Variants in DLGAP2 observed in about 807,000 individuals in gnomAD.
DLGAP2 encodes disks large-associated protein 2.
In DLGAP2, 26 loss-of-function variants were observed where a neutral mutation model predicts 100.3. That is an observed-to-expected ratio of 0.26 (90% CI 0.19 to 0.36). DLGAP2 has a LOEUF of 0.36. Among genes scored for constraint, DLGAP2 ranks in the 10% least tolerant of loss-of-function variants. DLGAP2 has a pLI of 1.00. For missense variants in DLGAP2, 1,858 were observed against 1,453.2 expected (o/e 1.28, Z -4.53); for synonymous variants, 886 against 630.1 (o/e 1.41, Z -6.08).
chr8:1,373,386 G>A (rs1286770785), intron 3 of DLGAP2, among the ~76,000 whole-genome samples: 1 of 152,078 alleles, frequency 6.6e-6, no homozygotes, highest in Admixed American at 6.5e-5. Flanking sequence ...CAGACGCAGA[G>A]CCCTGTGCCG....
At chr8:1,292,500 C>A (rs1330046526) in intron 3 of DLGAP2, among the ~76,000 whole-genome samples, 1 of 152,132 alleles carries the variant, frequency 6.6e-6, no homozygotes, top group Non-Finnish European at 1.5e-5. Flanking sequence ...TCATCTCTTT[C>A]CTTTCTCTAA....
intron 3 of DLGAP2, among the ~76,000 whole-genome samples, chr8:1,376,264 G>T (rs901457755): frequency 1.3e-5 from 2 of 152,252 alleles, no homozygotes; most frequent in Non-Finnish European, 1.5e-5. Flanking sequence ...CTGTCTCATA[G>T]CTGTGAGCCA....
At chr8:1,140,484 C>T (rs1265172699) in intron 2 of DLGAP2, among the ~76,000 whole-genome samples, 1 of 152,154 alleles carries the variant, frequency 6.6e-6, no homozygotes, top group Non-Finnish European at 1.5e-5. Context: ...GCCCCTGGGT[C>T]CCATGCACCT....
chr8:1,109,138 G>A (rs1804874802), intron 2 of DLGAP2, among the ~76,000 whole-genome samples: 1 of 114,972 alleles, frequency 8.7e-6, no homozygotes, highest in African/African-American at 3.3e-5. Flanking sequence ...TATGAGGTGT[G>A]CTGGATCTGT....
intron 2 of DLGAP2, among the ~76,000 whole-genome samples, chr8:1,093,165 C>A (rs1019892927): frequency 1.3e-5 from 2 of 152,186 alleles, no homozygotes; most frequent in African/African-American, 4.8e-5. Context: ...AGGGCCATCT[C>A]CTTCACCCAC....
intron 2 of DLGAP2, among the ~76,000 whole-genome samples, chr8:975,431 A>G (rs1800137659): frequency 6.6e-6 from 1 of 152,188 alleles, no homozygotes; most frequent in Admixed American, 6.5e-5. Flanking sequence ...AAAACCAGAA[A>G]AAGACATTTA....
chr8:738,089 G>C (rs1296143341), intron 1 of DLGAP2: 1 of 262,968 alleles, frequency 3.8e-6, no homozygotes, highest in African/African-American at 2.3e-5. Flanking sequence ...CCTGGGCTCC[G>C]GGGGTGCGGG....
At chr8:858,692 G>T (rs747461862) in intron 1 of DLGAP2, among the ~76,000 whole-genome samples, 1 of 151,174 alleles carries the variant, frequency 6.6e-6, no homozygotes, top group African/African-American at 2.4e-5. Context: ...CATGTGTGAT[G>T]CTGTCATTGT....
chr8:1,084,049 A>C (rs1327508300), intron 2 of DLGAP2, among the ~76,000 whole-genome samples: 1 of 152,112 alleles, frequency 6.6e-6, no homozygotes, highest in Admixed American at 6.5e-5. Flanking sequence ...ACAAACTTTT[A>C]TTTTATCTCA....
intron 4 of DLGAP2, among the ~76,000 whole-genome samples, chr8:1,547,429 G>C (rs1397914998): frequency 6.6e-6 from 1 of 152,088 alleles, no homozygotes; most frequent in East Asian, 1.9e-4. Context: ...GAGAGGGAGA[G>C]AGAGGAGGAG....
intron 8 of DLGAP2, among the ~76,000 whole-genome samples, chr8:1,634,522 C>G (rs1318984040): frequency 6.6e-6 from 1 of 152,192 alleles, no homozygotes; most frequent in African/African-American, 2.4e-5. Context: ...ACTCCTGCCC[C>G]TTGGTGAAGT....
intron 1 of DLGAP2, among the ~76,000 whole-genome samples, chr8:850,059 T>TA (rs369727619): frequency 0.26 from 32,994 of 129,060 alleles, 4,734 homozygotes; most frequent in East Asian, 0.75. Flanking sequence ...GGAGACTGTC[T>TA]AAAAAAAAAA....
At chr8:1,276,774 T>G (rs1205552876) in intron 3 of DLGAP2, among the ~76,000 whole-genome samples, 1 of 152,198 alleles carries the variant, frequency 6.6e-6, no homozygotes, top group Non-Finnish European at 1.5e-5. Flanking sequence ...TAAAGTTGTT[T>G]TCATTGTTTA....
intron 1 of DLGAP2, among the ~76,000 whole-genome samples, chr8:879,311 T>C (rs1797741090): frequency 6.6e-6 from 1 of 152,216 alleles, no homozygotes; most frequent in African/African-American, 2.4e-5. Flanking sequence ...AGAAGAAATT[T>C]GTTTTGCTGT....
intron 2 of DLGAP2, among the ~76,000 whole-genome samples, chr8:1,059,821 G>A (rs1803018555): frequency 6.6e-6 from 1 of 152,288 alleles, no homozygotes; most frequent in South Asian, 2.1e-4. Flanking sequence ...CTCTTGGGAA[G>A]GCAGCCAGGC....
At chr8:1,635,009 T>G (rs1006241571) in intron 8 of DLGAP2, among the ~76,000 whole-genome samples, 2 of 152,142 alleles carry the variant, frequency 1.3e-5, no homozygotes, top group Middle Eastern at 3.2e-3. Context: ...ACTGTCCAAG[T>G]TATGTGACAT....
At chr8:1,376,681 C>T (rs943312369) in intron 3 of DLGAP2, among the ~76,000 whole-genome samples, 5 of 124,956 alleles carry the variant, frequency 4.0e-5, no homozygotes, top group South Asian at 3.0e-4. Context: ...GTGTGGTCAT[C>T]GGCGGATGGC....
At chr8:1,380,207 G>A (rs1268816127) in intron 3 of DLGAP2, 6 of 152,192 alleles carry the variant, frequency 3.9e-5, no homozygotes, top group Non-Finnish European at 8.8e-5. Context: ...GTGCAAAAGG[G>A]TGTCTCTCAG....
At chr8:1,047,150 C>T (rs912160303) in intron 2 of DLGAP2, among the ~76,000 whole-genome samples, 2 of 152,198 alleles carry the variant, frequency 1.3e-5, no homozygotes, top group African/African-American at 4.8e-5. Flanking sequence ...CCCATCATCT[C>T]CTTCCCCAGA....
Sources: gnomAD v4.1 joint callset for allele counts (sites outside exome capture counted in the v4.1 genomes callset) on GRCh38, gnomAD v4.1.1 for gene constraint, MANE v1.5 for transcripts, NCBI Gene and HGNC (gene_info 2026-07-23, HGNC 2026-07-21) for gene names.